Variants in SERHL2 observed in about 807,000 individuals in gnomAD.
SERHL2 encodes serine hydrolase like 2, also known as serine hydrolase-like protein 2.
SERHL2 carries 29 observed loss-of-function variants against 25.5 expected under a neutral mutation model. That is an observed-to-expected ratio of 1.14 (90% CI 0.85 to 1.55). The LOEUF is 1.55. SERHL2 is among the 40% of genes most tolerant of loss of function. The pLI, the probability that SERHL2 is intolerant of heterozygous loss-of-function variation, is 0.00. For missense variants in SERHL2, 240 were observed against 252.3 expected, an observed-to-expected ratio of 0.95 and a Z score of 0.33; for synonymous variants, 95 against 103.5, an observed-to-expected ratio of 0.92 and a Z score of 0.50.
chr22:42,560,180 C>G lies in SERHL2; in HGVS notation c.534-6C>G. 1 of 1,609,462 alleles carries G rather than the reference C, an allele frequency of 6.2e-7. No homozygotes were observed. The highest frequency in any genetic ancestry group is 8.5e-7 in the Non-Finnish European group (1 of 1,176,070). On this transcript the variant is annotated splice_polypyrimidine_tract_variant and splice_region_variant and intron_variant, in intron 7 of 11. Coordinates refer to ENST00000327678, the MANE Select transcript of SERHL2 (RefSeq NM_014509.5). ...AGGCACCCAGCATCCTTCTGTCTCC[C>G]CCCAGGTTACTGAAGAGCAATAGCC...
chr22:42,566,346 C>T lies in SERHL2; in HGVS notation c.648+8C>T, dbSNP rs765251964. The T allele has an allele frequency of 3.7e-6, 6 of 1,611,148 alleles. No individual in the cohort carries two copies. The highest frequency in any genetic ancestry group is 4.5e-5 in the East Asian group (2 of 44,850). The stretch of plus-strand genomic sequence containing the variant: ...GACCAGAGGCTCGCCTGGGTGAGTA[C>T]CACTGCCTCCGGGTCCCCCGCCAAG... On this transcript the variant is annotated splice_region_variant and intron_variant, in intron 9 of 11. Coordinates refer to ENST00000327678, the MANE Select transcript of SERHL2 (RefSeq NM_014509.5).
intron 9 of SERHL2, among the ~76,000 whole-genome samples, chr22:42,567,721 T>TTTATTATTATTATTA (rs553420266): frequency 6.8e-4 from 90 of 132,084 alleles, no homozygotes; most frequent in African/African-American, 2.2e-3. Context: ...TTTCTTTAAT[T>TTTATTATTATTATTA]TTATTATTAT....
intron 8 of SERHL2, among the ~76,000 whole-genome samples, chr22:42,564,880 C>T (rs1451117139): frequency 3.3e-5 from 5 of 152,016 alleles, no homozygotes; most frequent in Non-Finnish European, 7.4e-5. Context: ...TCACTGCAGC[C>T]TCTGCCTCCT....
rs1923449174 is a variant in SERHL2, at chr22:42,566,762, G to A, written c.648+424G>A. 1.3e-5 allele frequency among the ~76,000 whole-genome samples: 2 copies of A among 152,094 alleles called. 1 individual carries two copies. The highest frequency in any genetic ancestry group is 4.1e-4 in the South Asian group (2 of 4,828). ...TGTTGAGAGGGGGATTCCTGATAGA[G>A]GCTGTGAAGATTAAAGAGGGGAGGG... On this transcript the variant is annotated intron_variant, in intron 9 of 11. Transcript: ENST00000327678.
chr22:42,564,457 G>T (rs899271153), intron 8 of SERHL2, among the ~76,000 whole-genome samples: 2 of 151,202 alleles, frequency 1.3e-5, no homozygotes, highest in African/African-American at 2.4e-5. Context: ...TTGAGACGGG[G>T]TCTTGCTTTT....
chr22:42,556,432 G>T, intron 5 of SERHL2, 82 bp from the exon 6 acceptor site: 1 of 1,561,452 alleles, frequency 6.4e-7, no homozygotes, highest in South Asian at 1.2e-5. Context: ...ATGTTTCGGG[G>T]AACTCCAGGG....
At position 42,566,357 on chromosome 22, in the gene SERHL2, G is replaced by GAA. The variant is rs1923382335; in HGVS notation, c.648+19_648+20insAA. On this transcript the variant is annotated intron_variant, in intron 9 of 11. Transcript: ENST00000327678. ...CGCCTGGGTGAGTACCACTGCCTCC[G>GAA]GGTCCCCCGCCAAGGTTTGCCTGTT... The GAA allele has an allele frequency of 6.2e-7, 1 of 1,609,974 alleles. No individual in the cohort carries two copies. The highest frequency in any genetic ancestry group is 1.1e-5 in the South Asian group (1 of 91,036).
rs1201177106 is a variant in SERHL2 at position 42,560,226 on chromosome 22, G to A, written c.574G>A (p.Glu192Lys). Residue 192 changes from glutamate to lysine, a missense_variant, in exon 8 of 12, where the codon GAG (glutamate) becomes AAG (lysine). By Grantham distance (56) the Glu-to-Lys change is moderately conservative. This residue lies in a region of SERHL2 where 212 missense variants were observed against 168.9 expected (regional missense o/e 1.25). Transcript: ENST00000327678. ...SNSHLSEECG[E>K]LLLQRGTTKV... The stretch of plus-strand genomic sequence containing the variant: ...TAGCCACTTGAGTGAGGAGTGCGGG[G>A]AGCTTCTCCTGCAAAGAGGAACCAC... The A allele has an allele frequency of 3.1e-6, 5 of 1,613,142 alleles. No individual in the cohort carries two copies. The highest frequency in any genetic ancestry group is 4.2e-6 in the Non-Finnish European group (5 of 1,179,378).
rs1010111429 is a variant in SERHL2 at position 42,567,670 on chromosome 22, C to CA, written c.648+1342dup. On this transcript the variant is annotated intron_variant, in intron 9 of 11. Transcript: ENST00000327678. ...TGGGCGACAGAGCGAGACTCCATGT[C>CA]AAAAAAAAAATAAATAAATAAAAAA... 4.1e-3 allele frequency among the ~76,000 whole-genome samples: 546 copies of CA among 131,666 alleles called. 4 individuals carry two copies. Among genetic ancestry groups the CA allele is most frequent in the African/African-American group, 0.013 (464 of 34,954 alleles). 86.4% of individuals were successfully genotyped at this position (131,666 alleles called of 152,430 possible).
intron 10 of SERHL2, among the ~76,000 whole-genome samples, chr22:42,572,099 A>G (rs541818556): frequency 6.6e-6 from 1 of 152,212 alleles, no homozygotes; most frequent in South Asian, 2.1e-4. Flanking sequence ...AGGATTGTGA[A>G]GACATAAATT....
Position 42,566,343 on chromosome 22 carries a change from G to C in SERHL2, c.648+5G>C, listed in dbSNP as rs1923377677. ...AGAGACCAGAGGCTCGCCTGGGTGA[G>C]TACCACTGCCTCCGGGTCCCCCGCC... is the stretch of plus-strand genomic sequence containing the variant. On this transcript the variant is annotated splice_donor_5th_base_variant and intron_variant, in intron 9 of 11. Coordinates refer to ENST00000327678, the MANE Select transcript of SERHL2 (RefSeq NM_014509.5). 1.2e-6 allele frequency: 2 copies of C among 1,611,348 alleles called. No individual in the cohort carries two copies. Among genetic ancestry groups the C allele is most frequent in the East Asian group, 4.5e-5 (2 of 44,846 alleles).
intron 8 of SERHL2, among the ~76,000 whole-genome samples, chr22:42,561,488 G>A (rs1015134339): frequency 6.6e-6 from 1 of 151,450 alleles, no homozygotes; most frequent in Non-Finnish European, 1.5e-5. Flanking sequence ...CCTGGGGGCG[G>A]GGGTGGGGGC....
intron 9 of SERHL2, among the ~76,000 whole-genome samples, chr22:42,568,392 C>G (rs1923701156): frequency 1.3e-5 from 2 of 151,022 alleles, no homozygotes; most frequent in South Asian, 4.2e-4. Context: ...AAGGCTCACT[C>G]ACTGGTGGTT....
chr22:42,573,040 T>C lies in SERHL2; in HGVS notation c.825+511T>C, dbSNP rs572003508. ...CTGCCTCATCCCTCTGCACCCATCA[T>C]GACAGTGGGCGTGCTGGCTGTAGGC... On this transcript the variant is annotated intron_variant, in intron 11 of 11. Transcript: ENST00000327678. 5.2e-4 allele frequency among the ~76,000 whole-genome samples: 79 copies of C among 151,922 alleles called. 1 individual carries two copies. The highest frequency in any genetic ancestry group is 1.9e-3 in the African/African-American group (78 of 41,532).
chr22:42,554,652 G>T (rs549190949), intron 1 of SERHL2, among the ~76,000 whole-genome samples: 419 of 151,850 alleles, frequency 2.8e-3, no homozygotes, highest in Middle Eastern at 0.017. Flanking sequence ...CCTGACCAGC[G>T]CCCCCGCCCC....
intron 8 of SERHL2, among the ~76,000 whole-genome samples, chr22:42,564,568 AT>A (rs1033821425): frequency 6.6e-6 from 1 of 151,648 alleles, no homozygotes; most frequent in African/African-American, 2.4e-5. Flanking sequence ...AGTAGCTGGG[AT>A]TACAGGTGCC....
intron 8 of SERHL2, among the ~76,000 whole-genome samples, chr22:42,564,200 T>C (rs1370810436): frequency 1.3e-5 from 2 of 151,934 alleles, no homozygotes; most frequent in African/African-American, 4.8e-5. Context: ...ATTTACTACA[T>C]TGGATCCTTA....
At position 42,561,674 on chromosome 22, in the gene SERHL2, A is replaced by G. The variant is rs114771187; in HGVS notation, c.613+1409A>G. Among the ~76,000 whole-genome samples, 632 of 151,798 alleles carry G rather than the reference A, an allele frequency of 4.2e-3. 7 individuals carry two copies. The highest frequency in any genetic ancestry group is 0.015 in the African/African-American group (602 of 41,446). On this transcript the variant is annotated intron_variant, in intron 8 of 11. Coordinates refer to ENST00000327678, the MANE Select transcript of SERHL2 (RefSeq NM_014509.5). ...GCTCTGCAGTTGATCTGCTGAGGTGAGTATTTTTAGTTGTCTTGAGTCCAG... is the reference window on the plus strand; with the variant it reads ...GCTCTGCAGTTGATCTGCTGAGGTGGGTATTTTTAGTTGTCTTGAGTCCAG...
At chr22:42,570,941 T>C (rs905346636) in intron 9 of SERHL2, among the ~76,000 whole-genome samples, 180 bp from the exon 10 acceptor site, 2 of 152,080 alleles carry the variant, frequency 1.3e-5, no homozygotes, top group African/African-American at 4.8e-5. Flanking sequence ...CAGGAGTCTC[T>C]GGCCACCAGG....
Sources: gnomAD v4.1 joint callset for allele counts (sites outside exome capture counted in the v4.1 genomes callset) on GRCh38, gnomAD v4.1.1 for gene constraint, gnomAD v4.1.1 regional missense constraint, MANE v1.5 for transcripts, NCBI Gene and HGNC (gene_info 2026-07-23, HGNC 2026-07-21) for gene names.